The following PARN variants were observed in gnomAD, a reference collection of about 807,000 sequenced individuals.
The protein encoded by PARN is poly(A)-specific ribonuclease.
PARN carries 71 observed loss-of-function variants against 102.8 expected under a neutral mutation model. That is an observed-to-expected ratio of 0.69 (90% confidence interval 0.57 to 0.84). The LOEUF (loss-of-function observed/expected upper bound fraction) is 0.84, where lower values mean the gene tolerates loss of function less well. Among genes scored for constraint, PARN ranks in the 40% least tolerant of loss-of-function variants. The pLI is 0.00. For synonymous variants in PARN, 261 were observed against 252.9 expected, an observed-to-expected ratio of 1.03 and a Z score of -0.30; for missense variants, 782 against 760.9, an observed-to-expected ratio of 1.03 and a Z score of -0.33.
In PARN at chr16:14,584,361, T is replaced by C. The variant is rs757655633; in HGVS notation, c.1067A>G (p.Asn356Ser). 2.4e-5 allele frequency: 39 copies of C among 1,611,074 alleles called. No homozygotes were observed. The highest frequency in any genetic ancestry group is 3.1e-5 in the Non-Finnish European group (36 of 1,177,490). ...LEKRLKETPF[N>S]PPKVESAEGF... The stretch of plus-strand genomic sequence containing the variant: ...AATATTCTTACCAACTTTAGGAGGG[T>C]TGAAAGGTGTCTCTTTTAACCGCTT... The change falls in exon 16 of 24, where the codon AAC becomes AGC. Residue 356 changes from asparagine to serine, a missense_variant. By Grantham distance (46) the Asn-to-Ser change is conservative. Coordinates refer to ENST00000437198, the MANE Select transcript of PARN (RefSeq NM_002582.4).
At chr16:14,572,848 A>C (rs1431347841) in intron 18 of PARN, among the ~76,000 whole-genome samples, 3 of 151,484 alleles carry the variant, frequency 2.0e-5, no homozygotes, top group African/African-American at 7.3e-5. Flanking sequence ...TACCACCTCT[A>C]CCTTTACTGA....
intron 21 of PARN, among the ~76,000 whole-genome samples, chr16:14,512,228 G>A (rs1389988712): frequency 4.6e-5 from 7 of 152,184 alleles, no homozygotes; most frequent in African/African-American, 7.2e-5. Context: ...CTGGCCGGGC[G>A]TGGTAGTTCA....
intron 21 of PARN, among the ~76,000 whole-genome samples, chr16:14,483,958 G>A (rs78659612): frequency 0.022 from 3,324 of 152,256 alleles, 61 homozygotes; most frequent in African/African-American, 0.046. Flanking sequence ...AGTGTACACT[G>A]CACCCAGTGT....
chr16:14,544,924 T>C (rs1049567581), intron 21 of PARN, among the ~76,000 whole-genome samples: 1 of 152,198 alleles, frequency 6.6e-6, no homozygotes, highest in Non-Finnish European at 1.5e-5. Context: ...CAGTGGCTCA[T>C]GCCTGTAATC....
chr16:14,581,635 G>A (rs1444313529), intron 17 of PARN, among the ~76,000 whole-genome samples: 1 of 152,162 alleles, frequency 6.6e-6, no homozygotes, highest in Non-Finnish European at 1.5e-5. Flanking sequence ...AGAAGGGTCA[G>A]GAGGCTGGGT....
chr16:14,607,597 T>A (rs1374323469), intron 9 of PARN, among the ~76,000 whole-genome samples: 1 of 152,106 alleles, frequency 6.6e-6, no homozygotes, highest in Non-Finnish European at 1.5e-5. Context: ...ACAGCTTGCA[T>A]CAGCCAAGGA....
chr16:14,504,059 A>G (rs1213039055), intron 21 of PARN, among the ~76,000 whole-genome samples: 1 of 152,224 alleles, frequency 6.6e-6, no homozygotes, highest in Non-Finnish European at 1.5e-5. Flanking sequence ...CTAAACGAGA[A>G]GGGGCTTAGA....
At chr16:14,520,801 T>TGAA (rs1165485271) in intron 21 of PARN, among the ~76,000 whole-genome samples, 50 of 152,184 alleles carry the variant, frequency 3.3e-4, no homozygotes, top group African/African-American at 1.2e-3. Context: ...AGAGAGCAGG[T>TGAA]GTTCGTAGAG....
intron 21 of PARN, among the ~76,000 whole-genome samples, chr16:14,539,096 C>G (rs1966741264): frequency 6.6e-6 from 1 of 152,150 alleles, no homozygotes; most frequent in Non-Finnish European, 1.5e-5. Context: ...AAATAAAACA[C>G]ACAATAAATG....
At chr16:14,521,620 GA>G (rs1281505367) in intron 21 of PARN, among the ~76,000 whole-genome samples, 1 of 152,148 alleles carries the variant, frequency 6.6e-6, no homozygotes, top group African/African-American at 2.4e-5. Flanking sequence ...CCAACATGAA[GA>G]AATCCCATCT....
intron 2 of PARN, 77 bp downstream of exon 2, chr16:14,629,520 A>T: frequency 9.5e-7 from 1 of 1,053,464 alleles, no homozygotes. Flanking sequence ...AAGCATAAGA[A>T]GTTGGGGGCT....
chr16:14,578,165 C>A (rs1014911903), intron 18 of PARN, among the ~76,000 whole-genome samples: 1 of 148,618 alleles, frequency 6.7e-6, no homozygotes, highest in African/African-American at 2.5e-5. Flanking sequence ...CCTGTCTCTA[C>A]TAAAAATACA....
At chr16:14,588,325 GC>G (rs1969979166) in intron 13 of PARN, among the ~76,000 whole-genome samples, 1 of 152,174 alleles carries the variant, frequency 6.6e-6, no homozygotes, top group South Asian at 2.1e-4. Context: ...ATCACAGAAA[GC>G]CTGTTATGCA....
At chr16:14,544,372 C>T (rs1272271301) in intron 21 of PARN, among the ~76,000 whole-genome samples, 1 of 152,002 alleles carries the variant, frequency 6.6e-6, no homozygotes, top group Non-Finnish European at 1.5e-5. Context: ...GCAAGGAGAT[C>T]GAGATCAGCC....
intron 21 of PARN, among the ~76,000 whole-genome samples, chr16:14,523,755 T>TAG (rs1965857232): frequency 6.6e-6 from 1 of 152,116 alleles, no homozygotes; most frequent in African/African-American, 2.4e-5. Context: ...ACAGAAGGAT[T>TAG]AGGGACATAA....
chr16:14,469,853 G>A (rs966400890), intron 22 of PARN, among the ~76,000 whole-genome samples: 2 of 152,140 alleles, frequency 1.3e-5, no homozygotes, highest in African/African-American at 4.8e-5. Flanking sequence ...CATGATATGG[G>A]CAACTCAAAC....
At chr16:14,568,216 T>G (rs1024940459) in intron 18 of PARN, among the ~76,000 whole-genome samples, 3 of 100,110 alleles carry the variant, frequency 3.0e-5, no homozygotes, top group Non-Finnish European at 7.7e-5. Flanking sequence ...ATTTTTACCT[T>G]TTTTTTTTTT....
chr16:14,490,262 T>A (rs1236366196), intron 21 of PARN, among the ~76,000 whole-genome samples: 1 of 152,236 alleles, frequency 6.6e-6, no homozygotes, highest in African/African-American at 2.4e-5. Context: ...CCTGGCTTTA[T>A]AGATAAGGAC....
intron 21 of PARN, among the ~76,000 whole-genome samples, chr16:14,544,901 A>T (rs1159343065): frequency 6.6e-6 from 1 of 152,224 alleles, no homozygotes; most frequent in African/African-American, 2.4e-5. Context: ...AAGATATAGA[A>T]TAAGACTGGG....
Sources: allele counts gnomAD v4.1 joint callset (sites outside exome capture counted in the v4.1 genomes callset), GRCh38; gene constraint gnomAD v4.1.1; transcripts MANE v1.5; gene names NCBI Gene and HGNC (gene_info 2026-07-23, HGNC 2026-07-21).